The following KCNQ3 variants were observed in gnomAD, a reference collection of about 807,000 sequenced individuals.
KCNQ3 encodes potassium voltage-gated channel subfamily KQT member 3.
In KCNQ3, 30 loss-of-function variants were observed where a neutral mutation model predicts 92.5. That is an observed-to-expected ratio of 0.32 (90% CI 0.24 to 0.44). KCNQ3 has a LOEUF of 0.44. Among genes scored for constraint, KCNQ3 ranks in the 20% least tolerant of loss-of-function variants. The pLI is 1.00. For missense variants in KCNQ3, 913 were observed against 1,140.3 expected (o/e 0.80, Z 2.87); for synonymous variants, 450 against 468.8 (o/e 0.96, Z 0.52).
At chr8:132,414,843 G>C (rs545008961) in intron 1 of KCNQ3, among the ~76,000 whole-genome samples, 196 of 152,316 alleles carry the variant, frequency 1.3e-3, no homozygotes, top group Non-Finnish European at 2.1e-3. Context: ...ATACATGACA[G>C]CAAAACCGAA....
chr8:132,390,453 C>G (rs1414613483), intron 1 of KCNQ3, among the ~76,000 whole-genome samples: 1 of 152,082 alleles, frequency 6.6e-6, no homozygotes, highest in African/African-American at 2.4e-5. Flanking sequence ...TTATAATACA[C>G]CATAAAAAAT....
At position 132,256,548 on chromosome 8, in the gene KCNQ3, T is replaced by C. The variant is rs558128433; in HGVS notation, c.387-70367A>G. Among the ~76,000 whole-genome samples the C allele has an allele frequency of 2.6e-5, 4 of 152,304 alleles. No homozygotes were observed. In the South Asian group the frequency reaches 6.2e-4, roughly 24 times the overall value. Reference sequence around the variant, plus strand: ...ATAAACTTAGTGAATCAGAGCTAGATACCACATAATAAAACTCTCAATAGG... The same window carrying C: ...ATAAACTTAGTGAATCAGAGCTAGACACCACATAATAAAACTCTCAATAGG... On this transcript the variant is annotated intron_variant, in intron 1 of 14. Coordinates refer to ENST00000388996, the MANE Select transcript of KCNQ3 (RefSeq NM_004519.4).
chr8:132,375,346 G>C (rs1397885531), intron 1 of KCNQ3, among the ~76,000 whole-genome samples: 1 of 151,994 alleles, frequency 6.6e-6, no homozygotes, highest in East Asian at 1.9e-4. Context: ...GAATGGCACT[G>C]TTTTTGCCTT....
At chr8:132,477,003 T>C (rs543552274) in intron 1 of KCNQ3, among the ~76,000 whole-genome samples, 24 of 152,216 alleles carry the variant, frequency 1.6e-4, no homozygotes, top group Non-Finnish European at 2.6e-4. Flanking sequence ...GGAGATCTGG[T>C]TGTTTGATAA....
At chr8:132,161,556 C>T (rs1563779862) in intron 9 of KCNQ3, among the ~76,000 whole-genome samples, 1 of 151,648 alleles carries the variant, frequency 6.6e-6, no homozygotes, top group South Asian at 2.1e-4. Flanking sequence ...CACTTGAACC[C>T]AGGAAGCAGA....
rs376568117 is a variant in KCNQ3, at chr8:132,462,346, C to T, written c.386+17801G>A. Among the ~76,000 whole-genome samples, 17 of 152,150 alleles carry T rather than the reference C, an allele frequency of 1.1e-4. 1 individual carries two copies. The South Asian group carries it at 2.5e-3, about 22-fold the overall frequency. ...CTGGGATTACAGGTGCCCACCACCA[C>T]GCCAGGCTAATTTTTGTATTTTCAG... On this transcript the variant is annotated intron_variant, in intron 1 of 14. Coordinates refer to ENST00000388996, the MANE Select transcript of KCNQ3 (RefSeq NM_004519.4).
At chr8:132,132,091 A>C (rs1824901898) in intron 14 of KCNQ3, 89 bp downstream of exon 14, 1 of 979,254 alleles carries the variant, frequency 1.0e-6, no homozygotes, top group Admixed American at 1.9e-5. Context: ...TCGTCTTAAA[A>C]AAAAAAAAGA....
chr8:132,315,914 T>A (rs1817730400), intron 1 of KCNQ3, among the ~76,000 whole-genome samples: 1 of 152,206 alleles, frequency 6.6e-6, no homozygotes, highest in Non-Finnish European at 1.5e-5. Context: ...TCTGAATGGT[T>A]TTCAATCTTT....
intron 1 of KCNQ3, among the ~76,000 whole-genome samples, chr8:132,403,033 G>A (rs867175851): frequency 5.9e-4 from 20 of 33,672 alleles, no homozygotes; most frequent in African/African-American, 1.0e-3. Context: ...AAAAAAAAAA[G>A]TGTCAATATT....
chr8:132,397,091 C>G (rs1214293783), intron 1 of KCNQ3, among the ~76,000 whole-genome samples: 1 of 152,060 alleles, frequency 6.6e-6, no homozygotes, highest in East Asian at 1.9e-4. Context: ...TTAAAAAACA[C>G]CCATTGCTTA....
At chr8:132,416,076 T>C (rs1820795701) in intron 1 of KCNQ3, among the ~76,000 whole-genome samples, 2 of 152,236 alleles carry the variant, frequency 1.3e-5, no homozygotes, top group South Asian at 4.1e-4. Context: ...CTAGAGGTTC[T>C]ACCAGAAGAC....
chr8:132,278,013 A>G, intron 1 of KCNQ3: 1 of 985,406 alleles, frequency 1.0e-6, no homozygotes, highest in Non-Finnish European at 1.2e-6. Flanking sequence ...TGTGATAGGC[A>G]GGAATTCAAG....
At chr8:132,169,785 C>T (rs1423323384) in intron 8 of KCNQ3, among the ~76,000 whole-genome samples, 1 of 152,236 alleles carries the variant, frequency 6.6e-6, no homozygotes, top group Non-Finnish European at 1.5e-5. Flanking sequence ...TATACTGATG[C>T]TGCGGCCCCG....
chr8:132,280,785 T>C (rs1816490819), intron 1 of KCNQ3, among the ~76,000 whole-genome samples: 1 of 152,206 alleles, frequency 6.6e-6, no homozygotes, highest in Non-Finnish European at 1.5e-5. Flanking sequence ...GTTAATCATG[T>C]TCAAGGACGA....
intron 1 of KCNQ3, among the ~76,000 whole-genome samples, chr8:132,395,665 T>C (rs1820172840): frequency 6.6e-6 from 1 of 152,248 alleles, no homozygotes. Flanking sequence ...AGATTTCTCA[T>C]TCACCAGGCA....
At chr8:132,136,244 A>ACACT (rs1203698681) in intron 12 of KCNQ3, among the ~76,000 whole-genome samples, 4 of 151,760 alleles carry the variant, frequency 2.6e-5, no homozygotes, top group African/African-American at 9.7e-5. Flanking sequence ...CTCTAGCAGG[A>ACACT]CACTCCAGTG....
intron 1 of KCNQ3, among the ~76,000 whole-genome samples, chr8:132,188,736 A>G (rs1221852541): frequency 6.6e-6 from 1 of 152,252 alleles, no homozygotes; most frequent in Non-Finnish European, 1.5e-5. Context: ...AGGACTCCTT[A>G]GTTCAATGTG....
intron 1 of KCNQ3, among the ~76,000 whole-genome samples, chr8:132,228,228 G>T (rs1358926830): frequency 6.6e-6 from 1 of 152,014 alleles, no homozygotes; most frequent in African/African-American, 2.4e-5. Context: ...CAAATAGTGG[G>T]CCCTTTTTTT....
At chr8:132,333,166 T>C (rs1818276510) in intron 1 of KCNQ3, among the ~76,000 whole-genome samples, 1 of 152,164 alleles carries the variant, frequency 6.6e-6, no homozygotes, top group Non-Finnish European at 1.5e-5. Flanking sequence ...TAAGGAAGCT[T>C]CTGTGCCCTT....
Sources: allele counts gnomAD v4.1 joint callset (sites outside exome capture counted in the v4.1 genomes callset), GRCh38; gene constraint gnomAD v4.1.1; transcripts MANE v1.5; gene names NCBI Gene and HGNC (gene_info 2026-07-23, HGNC 2026-07-21).